The following PRADC1 variants were observed in gnomAD, a reference collection of about 807,000 sequenced individuals.
PRADC1 encodes the protein protease associated domain containing 1.
A neutral mutation model predicts 22.9 loss-of-function variants in PRADC1; 23 were observed. That is an observed-to-expected ratio of 1.00 (90% CI 0.72 to 1.42). The LOEUF (loss-of-function observed/expected upper bound fraction) is 1.42, where lower values mean the gene tolerates loss of function less well. Ranked by LOEUF, PRADC1 falls within the 40% of genes most tolerant of loss-of-function variation. The pLI is 0.00. For missense variants in PRADC1, 207 were observed against 258.3 expected (o/e 0.80, Z 1.36); for synonymous variants, 71 against 100.3 (o/e 0.71, Z 1.75).
At position 73,230,174 on chromosome 2, in the gene PRADC1, C is replaced by T; in HGVS notation, c.107G>A (p.Ser36Asn). Residue 36 changes from serine to asparagine, a missense_variant, in exon 2 of 5, where the codon AGT becomes AAT. Transcript: ENST00000258083. Reference sequence around the variant, plus strand: ...GAAGATGTATCGAATGTCCCCAGGACTCAGCACTTGAAAGTACAAATAATC... The same window carrying T: ...GAAGATGTATCGAATGTCCCCAGGATTCAGCACTTGAAAGTACAAATAATC... Reference protein sequence around the residue: ...IHDYLYFQVLSPGDIRYIFTA... With the variant: ...IHDYLYFQVLNPGDIRYIFTA... 2 of 1,614,130 alleles carry T rather than the reference C, an allele frequency of 1.2e-6. No homozygotes were observed. Among genetic ancestry groups the T allele is most frequent in the Non-Finnish European group, 1.7e-6 (2 of 1,179,958 alleles).
At chr2:73,231,999 G>A (rs949088554) in intron 1 of PRADC1, among the ~76,000 whole-genome samples, 22 of 152,164 alleles carry the variant, frequency 1.4e-4, no homozygotes, top group African/African-American at 5.1e-4. Flanking sequence ...TTGAGTCCCT[G>A]GTTTCCTTAA....
chr2:73,229,659 C>CT (rs1686598651), intron 2 of PRADC1, 89 bp from the exon 3 acceptor site: 1 of 961,738 alleles, frequency 1.0e-6, no homozygotes, highest in Non-Finnish European at 1.7e-6. Flanking sequence ...TTATTGGCAC[C>CT]TTATAAAGTG....
intron 1 of PRADC1, 87 bp downstream of exon 1, chr2:73,233,007 A>T (rs1686692720): frequency 4.2e-6 from 6 of 1,442,672 alleles, no homozygotes; most frequent in Non-Finnish European, 1.9e-6. Context: ...AGGGTCCCCA[A>T]GGTGACCCTT....
chr2:73,228,621 C>A lies in PRADC1; in HGVS notation c.447-47G>T, dbSNP rs770224979. 4.3e-6 allele frequency: 7 copies of A among 1,613,218 alleles called. No individual in the cohort carries two copies. In the South Asian group the frequency reaches 7.7e-5, roughly 18 times the overall value. The stretch of plus-strand genomic sequence containing the variant: ...TGGTGACGGTCACTTTCTTGGTACC[C>A]CATCATGCCCCACTGTCCCCATCAA... On this transcript the variant is annotated intron_variant, in intron 4 of 4. Transcript: ENST00000258083. This position sits in a 1 kb window ranked among gnomAD's most constrained non-coding sequence, Gnocchi z 4.0.
chr2:73,228,671 C>CT lies in PRADC1; in HGVS notation c.447-98dup. 2 of 1,596,604 alleles carry CT rather than the reference C, an allele frequency of 1.3e-6. No individual in the cohort carries two copies. Among genetic ancestry groups the CT allele is most frequent in the East Asian group, 2.2e-5 (1 of 44,532 alleles). ...ATCTGGGAGTTCCAAAGCCCGAGAT[C>CT]TTTTTTTGCCCTCTAACTGAAGCAC... On this transcript the variant is annotated intron_variant, in intron 4 of 4. Coordinates refer to ENST00000258083, the MANE Select transcript of PRADC1 (RefSeq NM_032319.3). This position sits in a 1 kb window ranked among gnomAD's most constrained non-coding sequence, Gnocchi z 4.0.
At chr2:73,231,467 A>G (rs1177383804) in intron 1 of PRADC1, among the ~76,000 whole-genome samples, 1 of 150,338 alleles carries the variant, frequency 6.7e-6, no homozygotes, top group South Asian at 2.1e-4. Flanking sequence ...CCCAGGCTGG[A>G]GTGCAGTGGC....
chr2:73,229,521 G>A lies in PRADC1; in HGVS notation c.218C>T (p.Ala73Val), dbSNP rs1190436772. ...IHLVPAEPPEACGELSNGFFI... is the reference protein window; with the variant it reads ...IHLVPAEPPEVCGELSNGFFI... Reference sequence around the variant, plus strand: ...GAAACCGTTGCTGAGTTCCCCGCAGGCCTCTGGAGGTTCAGCGGGGACAAG... The same window carrying A: ...GAAACCGTTGCTGAGTTCCCCGCAGACCTCTGGAGGTTCAGCGGGGACAAG... Residue 73 changes from alanine to valine, a missense_variant, in exon 3 of 5, where the codon GCC becomes GTC. Transcript: ENST00000258083. 5 of 1,614,000 alleles carry A rather than the reference G, an allele frequency of 3.1e-6. No homozygotes were observed. Among genetic ancestry groups the A allele is most frequent in the Non-Finnish European group, 4.2e-6 (5 of 1,180,006 alleles).
intron 3 of PRADC1, 85 bp from the exon 4 acceptor site, chr2:73,229,047 A>C: frequency 1.7e-6 from 2 of 1,184,166 alleles, no homozygotes; most frequent in Non-Finnish European, 2.4e-6. Flanking sequence ...TATAGAAGGC[A>C]GACTATGAAG....
chr2:73,233,040 C>G, intron 1 of PRADC1, 54 bp downstream of exon 1: 1 of 1,519,414 alleles, frequency 6.6e-7, no homozygotes, highest in South Asian at 1.2e-5. Flanking sequence ...GAGACGCGCG[C>G]AAGCTGGACG....
At chr2:73,230,242 C>A (rs1018664002) in intron 1 of PRADC1, 29 bp from the exon 2 acceptor site, 2 of 1,521,666 alleles carry the variant, frequency 1.3e-6, no homozygotes, top group South Asian at 1.1e-5. Flanking sequence ...AGGTAAGAAG[C>A]CTCCCAGGAA....
At chr2:73,230,089 G>A in intron 2 of PRADC1, 24 bp downstream of exon 2, 1 of 1,517,352 alleles carries the variant, frequency 6.6e-7, no homozygotes, top group Non-Finnish European at 9.1e-7. Flanking sequence ...GAGGATCAGA[G>A]ATCAGGGGCC....
chr2:73,229,512 T>TC lies in PRADC1; in HGVS notation c.226dup (p.Glu76GlyfsTer41). 2 of 1,614,050 alleles carry TC rather than the reference T, an allele frequency of 1.2e-6. No individual in the cohort carries two copies. The highest frequency in any genetic ancestry group is 1.7e-6 in the Non-Finnish European group (2 of 1,180,018). Reference sequence around the variant, plus strand: ...CTGGATGAAGAAACCGTTGCTGAGTTCCCCGCAGGCCTCTGGAGGTTCAGC... The same window carrying TC: ...CTGGATGAAGAAACCGTTGCTGAGTTCCCCCGCAGGCCTCTGGAGGTTCAGC... On this transcript the variant is annotated frameshift_variant, in exon 3 of 5. Coordinates refer to ENST00000258083, the MANE Select transcript of PRADC1 (RefSeq NM_032319.3). LOFTEE classifies it high-confidence loss of function.
rs775494955 is a variant in PRADC1 at position 73,229,525 on chromosome 2, C to G, written c.214G>C (p.Glu72Gln). ...QIHLVPAEPP[E>Q]ACGELSNGFF... is the part of the protein sequence containing the mutation. ...CCGTTGCTGAGTTCCCCGCAGGCCT[C>G]TGGAGGTTCAGCGGGGACAAGGTGA... The change falls in exon 3 of 5, where the codon GAG becomes CAG. Residue 72 changes from glutamate (E) to glutamine (Q), a missense_variant. Coordinates refer to ENST00000258083, the MANE Select transcript of PRADC1 (RefSeq NM_032319.3). 2.5e-6 allele frequency: 4 copies of G among 1,614,032 alleles called. No individual in the cohort carries two copies. Among genetic ancestry groups the G allele is most frequent in the Non-Finnish European group, 3.4e-6 (4 of 1,180,016 alleles).
chr2:73,228,091 A>T lies in PRADC1; in HGVS notation c.*363T>A, dbSNP rs1198602906. 3 of 272,688 alleles carry T rather than the reference A, an allele frequency of 1.1e-5. No homozygotes were observed. Among genetic ancestry groups the T allele is most frequent in the Non-Finnish European group, 7.2e-6 (1 of 138,912 alleles). The allele number at this position is 272,688 out of a possible 1,614,324, so 16.9% of individuals were successfully genotyped here. A position where few individuals can be genotyped will look rare whatever the true frequency, so the allele number is the denominator to read the frequency against. ...AACACCAGCTCTTTAAACCACTCCA[A>T]CAACTGCTGTGAAGGTCACTGTGCA... is the stretch of plus-strand genomic sequence containing the variant. On this transcript the variant is annotated 3_prime_UTR_variant, in exon 5 of 5. Coordinates refer to ENST00000258083, the MANE Select transcript of PRADC1 (RefSeq NM_032319.3). This position sits in a 1 kb window ranked among gnomAD's most constrained non-coding sequence, Gnocchi z 4.0.
In PRADC1 at chr2:73,228,924, T is replaced by C. The variant is rs772347057; in HGVS notation, c.317A>G (p.Glu106Gly). 5.0e-6 allele frequency: 8 copies of C among 1,613,776 alleles called. No homozygotes were observed. The highest frequency in any genetic ancestry group is 1.6e-4 in the Middle Eastern group (1 of 6,072). Residue 106 changes from glutamate to glycine, a missense_variant, in exon 4 of 5, where the codon GAG (glutamate) becomes GGG (glycine). By Grantham distance (98) the Glu-to-Gly change is moderately conservative. Transcript: ENST00000258083. The surrounding 1 kb of genome is among the most constrained non-coding windows in gnomAD (Gnocchi z 4.0). ...GATGATCACCGCCCGCCCGCCGTGC[T>C]CCTGGACCACCCGAGTCTTGGAGAG... ...SFLSKTRVVQ[E>G]HGGRAVIISD...
rs1558555502 is a variant in PRADC1 at position 73,228,812 on chromosome 2, G to T, written c.429C>A (p.Phe143Leu). The T allele has an allele frequency of 6.2e-7, 1 of 1,612,172 alleles. No individual in the cohort carries two copies. The highest frequency in any genetic ancestry group is 2.2e-5 in the East Asian group (1 of 44,868). ...GCCCTCACCCGTCTCGGCCGAGCAG[G>T]AAGAGGGCGGGGATGTCAGCTGTGC... ...TQRTADIPAL[F>L]LLGRDGYMIR... Residue 143 changes from phenylalanine (F) to leucine (L), a missense_variant, in exon 4 of 5, where the codon TTC becomes TTA. By Grantham distance (22) the Phe-to-Leu change is conservative. Coordinates refer to ENST00000258083, the MANE Select transcript of PRADC1 (RefSeq NM_032319.3). The surrounding 1 kb of genome is among the most constrained non-coding windows in gnomAD (Gnocchi z 4.0).
At chr2:73,229,902 G>A (rs1415998466) in intron 2 of PRADC1, 2 of 589,374 alleles carry the variant, frequency 3.4e-6, no homozygotes, top group Non-Finnish European at 6.0e-6. Flanking sequence ...CCCCTAAAAA[G>A]ACAACTTGTC....
chr2:73,230,072 G>A (rs1312394325), intron 2 of PRADC1, 41 bp downstream of exon 2: 5 of 1,351,274 alleles, frequency 3.7e-6, no homozygotes, highest in Admixed American at 1.7e-5. Context: ...AGGGGAAGGG[G>A]GAGGTTGAGG....
At chr2:73,229,434 C>T (rs772451818) in intron 3 of PRADC1, 27 bp downstream of exon 3, 3 of 1,495,786 alleles carry the variant, frequency 2.0e-6, no homozygotes, top group Non-Finnish European at 1.9e-6. Flanking sequence ...CTGCCCACTC[C>T]TCGTGTCCTG....
Sources: gnomAD v4.1 joint callset for allele counts (sites outside exome capture counted in the v4.1 genomes callset) on GRCh38, gnomAD v4.1.1 for gene constraint, Gnocchi (gnomAD v3.1) non-coding constraint, MANE v1.5 for transcripts, NCBI Gene and HGNC (gene_info 2026-07-23, HGNC 2026-07-21) for gene names.